The following SNX32 variants were observed in gnomAD, a reference collection of about 807,000 sequenced individuals.
The protein encoded by SNX32 is sorting nexin 32.
Under a neutral mutation model 57.0 loss-of-function variants are expected in SNX32, and 58 were observed. The observed-to-expected ratio is 1.02, with a 90% CI of 0.82 to 1.27. The LOEUF (loss-of-function observed/expected upper bound fraction) is 1.27. Ranked by LOEUF, SNX32 falls within the 50% of genes most tolerant of loss-of-function variation. SNX32 has a pLI of 0.00. For missense variants in SNX32, 589 were observed against 541.2 expected (o/e 1.09, Z -0.88); for synonymous variants, 262 against 220.4 (o/e 1.19, Z -1.67).
rs1565246095 is a variant in SNX32 at position 65,839,247 on chromosome 11, T to A, written c.36+5146T>A. The stretch of plus-strand genomic sequence containing the variant: ...TGTATTTTTTTTTTTTTTTTTTTTT[T>A]GAGACGGAGTCTCGCTCTGTCGCCC... On this transcript the variant is annotated intron_variant, in intron 1 of 12. Transcript: ENST00000308342. Among the ~76,000 whole-genome samples the A allele has an allele frequency of 4.3e-4, 38 of 88,056 alleles. No individual in the cohort carries two copies. In the East Asian group the frequency reaches 5.4e-3, roughly 13 times the overall value. 57.8% of individuals were successfully genotyped at this position (88,056 alleles called of 152,430 possible). A position where few individuals can be genotyped will look rare whatever the true frequency, so the allele number is the denominator to read the frequency against.
intron 1 of SNX32, among the ~76,000 whole-genome samples, chr11:65,841,407 T>C (rs1420758925): frequency 6.6e-6 from 1 of 152,078 alleles, no homozygotes; most frequent in Non-Finnish European, 1.5e-5. Context: ...TGGCTAATTT[T>C]TGTATTTTTT....
intron 12 of SNX32, 117 bp downstream of exon 12, chr11:65,853,075 G>A: frequency 7.8e-7 from 1 of 1,287,506 alleles, no homozygotes; most frequent in Non-Finnish European, 1.1e-6. Flanking sequence ...ATGCGCGTGT[G>A]TGTGCATGAG....
At chr11:65,839,965 C>T (rs538516491) in intron 1 of SNX32, among the ~76,000 whole-genome samples, 5 of 151,790 alleles carry the variant, frequency 3.3e-5, no homozygotes, top group Non-Finnish European at 2.9e-5. Flanking sequence ...TCGAGACCAG[C>T]CTCAACATGG....
chr11:65,853,066 T>A (rs1460075804), intron 12 of SNX32, 108 bp downstream of exon 12: 1 of 1,308,714 alleles, frequency 7.6e-7, no homozygotes, highest in Non-Finnish European at 1.1e-6. Context: ...CACGCATGTA[T>A]GCGCGTGTGT....
intron 1 of SNX32, among the ~76,000 whole-genome samples, chr11:65,840,156 C>T (rs906041237): frequency 6.6e-6 from 1 of 151,512 alleles, no homozygotes; most frequent in African/African-American, 2.4e-5. Context: ...ACTCTGTCTC[C>T]AAAAAAATAA....
intron 1 of SNX32, among the ~76,000 whole-genome samples, chr11:65,837,294 A>AG (rs1419469130): frequency 2.0e-5 from 3 of 152,262 alleles, no homozygotes; most frequent in South Asian, 2.1e-4. Context: ...TGGAAAAAAA[A>AG]CAACTAGAGT....
intron 1 of SNX32, among the ~76,000 whole-genome samples, chr11:65,834,952 C>G (rs1858624078): frequency 6.7e-6 from 1 of 148,408 alleles, no homozygotes; most frequent in Non-Finnish European, 1.5e-5. Flanking sequence ...CTGTGTGTGT[C>G]TGTGTGCCTG....
rs755185237 is a variant in SNX32, at chr11:65,839,223, G to GTTTTTTTTT, written c.36+5123_36+5124insTTTTTTTTT. Among the ~76,000 whole-genome samples the GTTTTTTTTT allele has an allele frequency of 6.8e-3, 157 of 23,036 alleles. 31 individuals carry two copies. Among genetic ancestry groups the GTTTTTTTTT allele is most frequent in the South Asian group, 0.013 (6 of 480 alleles). The allele number at this position is 23,036 out of a possible 152,430, so 15.1% of individuals were successfully genotyped here. ...CCCACCACGCCCAGCTAATTTTTTTGTATTTTTTTTTTTTTTTTTTTTTTG... is the reference window on the plus strand; with the variant it reads ...CCCACCACGCCCAGCTAATTTTTTTGTTTTTTTTTTATTTTTTTTTTTTTTTTTTTTTTG... On this transcript the variant is annotated intron_variant, in intron 1 of 12. Coordinates refer to ENST00000308342, the MANE Select transcript of SNX32 (RefSeq NM_152760.3).
intron 1 of SNX32, among the ~76,000 whole-genome samples, chr11:65,846,722 G>T (rs1428868398): frequency 6.6e-6 from 1 of 151,972 alleles, no homozygotes; most frequent in South Asian, 2.1e-4. Flanking sequence ...GGTGGCTCAC[G>T]CCTGTAATCC....
intron 2 of SNX32, 159 bp from the exon 3 acceptor site, chr11:65,849,761 C>A (rs1859108510): frequency 1.3e-6 from 1 of 757,430 alleles, no homozygotes; most frequent in Non-Finnish European, 2.2e-6. Flanking sequence ...GAGTCCTAAT[C>A]ATTCCTGTCC....
In SNX32 at chr11:65,839,263, T is replaced by C. The variant is rs1288645798; in HGVS notation, c.36+5162T>C. Among the ~76,000 whole-genome samples the C allele has an allele frequency of 2.7e-4, 23 of 85,074 alleles. No individual in the cohort carries two copies. In the East Asian group the frequency reaches 5.2e-3, roughly 19 times the overall value. 55.8% of individuals were successfully genotyped at this position (85,074 alleles called of 152,430 possible). A position where few individuals can be genotyped will look rare whatever the true frequency, so the allele number is the denominator to read the frequency against. The stretch of plus-strand genomic sequence containing the variant: ...TTTTTTTTTTGAGACGGAGTCTCGC[T>C]CTGTCGCCCAGGCTGGAGTGCAGTG... On this transcript the variant is annotated intron_variant, in intron 1 of 12. Coordinates refer to ENST00000308342, the MANE Select transcript of SNX32 (RefSeq NM_152760.3).
rs912145703 is a variant in SNX32 at position 65,846,608 on chromosome 11, T to C, written c.37-2870T>C. Among the ~76,000 whole-genome samples, 6 of 151,122 alleles carry C rather than the reference T, an allele frequency of 4.0e-5. No homozygotes were observed. The East Asian group carries it at 1.2e-3, about 29-fold the overall frequency. Reference sequence around the variant, plus strand: ...AATACGCCAGAATAATCTATGGTGATAGAAGTCAGAATGGTGGTTAGTTCT... The same window carrying C: ...AATACGCCAGAATAATCTATGGTGACAGAAGTCAGAATGGTGGTTAGTTCT... On this transcript the variant is annotated intron_variant, in intron 1 of 12. Transcript: ENST00000308342.
chr11:65,850,021 C>T lies in SNX32; in HGVS notation c.243C>T (p.Ala81=), dbSNP rs139666558. 9.8e-5 allele frequency: 158 copies of T among 1,613,990 alleles called. No homozygotes were observed. The Middle Eastern group carries it at 1.2e-3, about 12-fold the overall frequency. Residue 81 remains alanine (A), a synonymous_variant, in exon 3 of 13, where the codon GCC becomes GCT. Coordinates refer to ENST00000308342, the MANE Select transcript of SNX32 (RefSeq NM_152760.3). The part of the protein sequence containing the change: ...HDAYVENEEY[A]GLIIPPAPPR... ...CCTACGTGGAGAATGAGGAGTACGC[C>T]GGCCTCATCGTGAGGAGGGGCTGGG...
intron 1 of SNX32, among the ~76,000 whole-genome samples, chr11:65,845,220 A>G (rs2134694297): frequency 1.3e-5 from 2 of 151,256 alleles, no homozygotes; most frequent in South Asian, 4.2e-4. Flanking sequence ...CGGGCGGATC[A>G]TGAGGTCTGG....
rs1859288563 is a variant in SNX32, at chr11:65,853,338, TAGCCAGAGCTC to T, written c.*11_*21del. On this transcript the variant is annotated 3_prime_UTR_variant, in exon 13 of 13. Coordinates refer to ENST00000308342, the MANE Select transcript of SNX32 (RefSeq NM_152760.3). Reference sequence around the variant, plus strand: ...TTGCCCTAAAGGGGGAGCCTTAGAGTAGCCAGAGCTCAGCCAGACCCTAATCTGGGATCTCC... The same window carrying T: ...TTGCCCTAAAGGGGGAGCCTTAGAGTAGCCAGACCCTAATCTGGGATCTCC... 3.1e-6 allele frequency: 5 copies of T among 1,613,804 alleles called. 1 individual carries two copies. The African/African-American group carries it at 6.7e-5, about 22-fold the overall frequency.
At chr11:65,849,182 A>G (rs913680028) in intron 1 of SNX32, among the ~76,000 whole-genome samples, 7 of 152,176 alleles carry the variant, frequency 4.6e-5, no homozygotes, top group Non-Finnish European at 8.8e-5. Context: ...TCAATCTGGC[A>G]CTGTCGCTTT....
At chr11:65,850,648 C>T in intron 5 of SNX32, 94 bp downstream of exon 5, 1 of 1,560,500 alleles carries the variant, frequency 6.4e-7, no homozygotes, top group Non-Finnish European at 8.7e-7. Flanking sequence ...AGAAGGGGCC[C>T]AAGTGGGCCC....
At chr11:65,844,846 T>G in intron 1 of SNX32, among the ~76,000 whole-genome samples, 1 of 151,114 alleles carries the variant, frequency 6.6e-6, no homozygotes, top group East Asian at 2.0e-4. Context: ...GGCACCTGTA[T>G]CCCCAGCTAC....
At chr11:65,852,196 G>A (rs569242711) in intron 9 of SNX32, among the ~76,000 whole-genome samples, 56 of 152,084 alleles carry the variant, frequency 3.7e-4, no homozygotes, top group African/African-American at 1.2e-3. Flanking sequence ...TGCCCTCCCT[G>A]AACTAAAGTT....
Sources: gnomAD v4.1 joint callset for allele counts (sites outside exome capture counted in the v4.1 genomes callset) on GRCh38, gnomAD v4.1.1 for gene constraint, MANE v1.5 for transcripts, NCBI Gene and HGNC (gene_info 2026-07-23, HGNC 2026-07-21) for gene names.